ULK2: variants seen among roughly 807,000 people sequenced by gnomAD.
ULK2 encodes the protein serine/threonine-protein kinase ULK2.
A neutral mutation model predicts 127.5 loss-of-function variants in ULK2; 76 were observed. That is an observed-to-expected ratio of 0.60 (90% CI 0.50 to 0.72). The LOEUF (loss-of-function observed/expected upper bound fraction) is 0.72, where lower values mean the gene tolerates loss of function less well. Ranked by LOEUF, ULK2 falls within the 30% of genes least tolerant of loss-of-function variation. The probability of loss-of-function intolerance (pLI) is 0.00; values close to 1 mark genes in which losing one functional copy is unlikely to be tolerated. For missense variants in ULK2, 1,144 were observed against 1,295.9 expected (o/e 0.88, Z 1.80); for synonymous variants, 452 against 461.9 (o/e 0.98, Z 0.28).
intron 10 of ULK2, among the ~76,000 whole-genome samples, chr17:19,835,253 C>T (rs544263416): frequency 1.0e-3 from 155 of 151,058 alleles, no homozygotes; most frequent in African/African-American, 3.5e-3. Flanking sequence ...AGGTTCACAC[C>T]ATTCTCCTGC....
At chr17:19,831,550 T>TATAATAAG (rs1480491838) in intron 10 of ULK2, among the ~76,000 whole-genome samples, 7 of 152,130 alleles carry the variant, frequency 4.6e-5, no homozygotes, top group African/African-American at 1.7e-4. Context: ...TAAGGCCAGG[T>TATAATAAG]GCCGTGCCCC....
rs3884213 is a variant in ULK2, at chr17:19,823,126, A to ATTTTTT, written c.924+1962_924+1967dup. On this transcript the variant is annotated intron_variant, in intron 12 of 26. Coordinates refer to ENST00000395544, the MANE Select transcript of ULK2 (RefSeq NM_014683.4). ...CAGTCATGCCCAGGCACGCCTGGCT[A>ATTTTTT]TTTTTTTTTTTTTTTTTTTAGTAGA... 3.5e-4 allele frequency among the ~76,000 whole-genome samples: 39 copies of ATTTTTT among 113,024 alleles called. 1 individual carries two copies. Among genetic ancestry groups the ATTTTTT allele is most frequent in the Non-Finnish European group, 4.1e-4 (25 of 60,534 alleles). The allele number at this position is 113,024 out of a possible 152,430, so 74.1% of individuals were successfully genotyped here.
intron 12 of ULK2, among the ~76,000 whole-genome samples, chr17:19,823,896 C>T (rs2041223379): frequency 6.6e-6 from 1 of 152,196 alleles, no homozygotes; most frequent in Admixed American, 6.5e-5. Context: ...TGTCTGTTTG[C>T]AACAGGCTAC....
chr17:19,848,738 C>T (rs141128380), intron 5 of ULK2, among the ~76,000 whole-genome samples: 3,569 of 151,822 alleles, frequency 0.024, 123 homozygotes, highest in African/African-American at 0.078. Context: ...GAATGCACCA[C>T]TGCACTGCAG....
At chr17:19,849,516 A>G (rs2041966741) in intron 4 of ULK2, 111 bp from the exon 5 acceptor site, 1 of 1,152,184 alleles carries the variant, frequency 8.7e-7, no homozygotes, top group South Asian at 1.5e-5. Flanking sequence ...ATGTAAATAT[A>G]GCCTAAAAAC....
At chr17:19,805,755 C>G (rs1238910378) in intron 14 of ULK2, among the ~76,000 whole-genome samples, 3 of 152,052 alleles carry the variant, frequency 2.0e-5, no homozygotes, top group African/African-American at 7.2e-5. Context: ...TCAGCAGATA[C>G]CTTTGAACCA....
At chr17:19,821,920 A>G (rs1390826006) in intron 12 of ULK2, among the ~76,000 whole-genome samples, 2 of 151,606 alleles carry the variant, frequency 1.3e-5, no homozygotes, top group South Asian at 2.1e-4. Context: ...TCCTGGGCTC[A>G]AGCAATCCTC....
chr17:19,859,436 T>C (rs968601294), intron 3 of ULK2, among the ~76,000 whole-genome samples: 3 of 152,280 alleles, frequency 2.0e-5, no homozygotes, highest in Non-Finnish European at 4.4e-5. Flanking sequence ...AGAGAATCAC[T>C]TGAACTCAGG....
intron 12 of ULK2, among the ~76,000 whole-genome samples, chr17:19,820,648 G>C (rs1015801262): frequency 6.6e-6 from 1 of 152,156 alleles, no homozygotes; most frequent in African/African-American, 2.4e-5. Flanking sequence ...AAATTTAAAT[G>C]TAAATGGCCA....
chr17:19,822,594 C>G (rs1039681871), intron 12 of ULK2, among the ~76,000 whole-genome samples: 2 of 152,076 alleles, frequency 1.3e-5, no homozygotes, highest in African/African-American at 2.4e-5. Flanking sequence ...TCTCAAACTC[C>G]TGACCTCAAG....
At chr17:19,834,675 G>A (rs2041546807) in intron 10 of ULK2, among the ~76,000 whole-genome samples, 1 of 152,068 alleles carries the variant, frequency 6.6e-6, no homozygotes, top group South Asian at 2.1e-4. Context: ...ACTCTGGGAG[G>A]CCGAGGCAGG....
rs527302407 is a variant in ULK2 at position 19,838,367 on chromosome 17, C to T, written c.787+134G>A. On this transcript the variant is annotated intron_variant, in intron 10 of 26. Transcript: ENST00000395544. ...GTAATAAGCACTCAATAAATATTTA[C>T]GAAACCAGTGAAGGAAATAAACAAA... The T allele has an allele frequency of 2.3e-5, 17 of 745,450 alleles. No individual in the cohort carries two copies. In the East Asian group the frequency reaches 3.7e-4, roughly 16 times the overall value. The allele number at this position is 745,450 out of a possible 1,614,324, so 46.2% of individuals were successfully genotyped here. A position where few individuals can be genotyped will look rare whatever the true frequency, so the allele number is the denominator to read the frequency against.
intron 7 of ULK2, among the ~76,000 whole-genome samples, chr17:19,843,440 G>A (rs2041811173): frequency 2.0e-5 from 3 of 151,910 alleles, no homozygotes; most frequent in Admixed American, 2.0e-4. Context: ...TGCATGAAAA[G>A]AGGCAAGTTA....
chr17:19,777,230 G>A (rs1312607897), intron 26 of ULK2, among the ~76,000 whole-genome samples: 2 of 152,084 alleles, frequency 1.3e-5, no homozygotes, highest in African/African-American at 4.8e-5. Flanking sequence ...TCAGCCTCCC[G>A]AGCAGTGGAG....
At chr17:19,858,549 C>T (rs889823651) in intron 3 of ULK2, among the ~76,000 whole-genome samples, 3 of 152,038 alleles carry the variant, frequency 2.0e-5, no homozygotes, top group South Asian at 4.1e-4. Flanking sequence ...AAATACTAGT[C>T]ACAAATAAAC....
chr17:19,773,541 T>C lies in ULK2; in HGVS notation c.*2808A>G. ...TAGAGGTTGTTTCTCTCAACTAAAG[T>C]TATCAAAATTGGGTGTTGTAATTTT... On this transcript the variant is annotated 3_prime_UTR_variant, in exon 27 of 27. Transcript: ENST00000395544. The C allele has an allele frequency of 6.6e-6, 1 of 152,280 alleles. No individual in the cohort carries two copies. Among genetic ancestry groups the C allele is most frequent in the African/African-American group, 2.4e-5 (1 of 41,558 alleles). The allele number at this position is 152,280 out of a possible 1,614,324, so 9.4% of individuals were successfully genotyped here.
At chr17:19,826,810 A>T (rs1180577360) in intron 10 of ULK2, among the ~76,000 whole-genome samples, 2 of 152,176 alleles carry the variant, frequency 1.3e-5, no homozygotes, top group African/African-American at 4.8e-5. Flanking sequence ...ACAAAAAATT[A>T]GCTGGGCATG....
chr17:19,783,360 G>A (rs760605084), intron 22 of ULK2, among the ~76,000 whole-genome samples: 4 of 151,950 alleles, frequency 2.6e-5, no homozygotes, highest in East Asian at 1.9e-4. Context: ...GCTGAGGCAG[G>A]AGAATTGCTT....
Position 19,801,798 on chromosome 17 carries a change from G to A in ULK2, c.1420C>T (p.Pro474Ser). Residue 474 changes from proline to serine, a missense_variant, in exon 16 of 27, where the codon CCT (proline) becomes TCT (serine). Physicochemically the swap from Pro to Ser is moderately conservative, Grantham distance 74. This residue lies in a region of ULK2 where 913 missense variants were observed against 970.5 expected (regional missense o/e 0.94). Coordinates refer to ENST00000395544, the MANE Select transcript of ULK2 (RefSeq NM_014683.4). ...GRRLSTGSSRPYSPSPLVGTI... is the reference protein window; with the variant it reads ...GRRLSTGSSRSYSPSPLVGTI... ...TTACCCAAAGGGGAAGGTGAGTAAG[G>A]CCTAGAAGACCCAGTGGAGAGCCTT... 6.2e-7 allele frequency: 1 copy of A among 1,614,146 alleles called. No individual in the cohort carries two copies. Among genetic ancestry groups the A allele is most frequent in the Non-Finnish European group, 8.5e-7 (1 of 1,180,004 alleles).
Sources: allele counts gnomAD v4.1 joint callset (sites outside exome capture counted in the v4.1 genomes callset), GRCh38; gene constraint gnomAD v4.1.1; regional missense constraint gnomAD v4.1.1; transcripts MANE v1.5; gene names NCBI Gene and HGNC (gene_info 2026-07-23, HGNC 2026-07-21).